The following BCHE variants were observed in gnomAD, a reference collection of about 807,000 sequenced individuals.
BCHE encodes butyrylcholinesterase, also known as cholinesterase.
Under a neutral mutation model 51.3 loss-of-function variants are expected in BCHE, and 48 were observed. The observed-to-expected ratio is 0.94, with a 90% CI of 0.74 to 1.19. The LOEUF (loss-of-function observed/expected upper bound fraction) is 1.19, where lower values mean the gene tolerates loss of function less well. Among genes scored for constraint, BCHE ranks in the 50% most tolerant of loss-of-function variants. The pLI, the probability that BCHE is intolerant of heterozygous loss-of-function variation, is 0.00. For missense variants in BCHE, 847 were observed against 708.2 expected, an observed-to-expected ratio of 1.20 and a Z score of -2.23; for synonymous variants, 251 against 238.0, an observed-to-expected ratio of 1.05 and a Z score of -0.50.
intron 2 of BCHE, among the ~76,000 whole-genome samples, chr3:165,800,021 C>CTTTAT (rs143767714): frequency 0.94 from 143,422 of 151,798 alleles, 67,813 homozygotes; most frequent in Non-Finnish European, 0.96. Flanking sequence ...CATGGAACTA[C>CTTTAT]TTTATTAGCG....
At chr3:165,826,038 A>G (rs1269370205) in intron 2 of BCHE, among the ~76,000 whole-genome samples, 1 of 152,116 alleles carries the variant, frequency 6.6e-6, no homozygotes, top group African/African-American at 2.4e-5. Context: ...GCTCTGGTAC[A>G]TCACTGCTTT....
chr3:165,805,794 G>C (rs1032268310), intron 2 of BCHE, among the ~76,000 whole-genome samples: 2 of 151,546 alleles, frequency 1.3e-5, no homozygotes, highest in African/African-American at 4.9e-5. Flanking sequence ...TTTTCAGTCC[G>C]ACATACGTTC....
At chr3:165,824,119 A>G (rs1216767188) in intron 2 of BCHE, among the ~76,000 whole-genome samples, 1 of 151,932 alleles carries the variant, frequency 6.6e-6, no homozygotes, top group Non-Finnish European at 1.5e-5. Context: ...AAATTAAAAT[A>G]AACAAAATTG....
chr3:165,801,787 T>C (rs184848402), intron 2 of BCHE, among the ~76,000 whole-genome samples: 5 of 152,250 alleles, frequency 3.3e-5, no homozygotes, highest in East Asian at 1.9e-4. Flanking sequence ...TCCCAAGACA[T>C]AAGCTCACCC....
intron 2 of BCHE, among the ~76,000 whole-genome samples, chr3:165,808,903 G>T (rs928388467): frequency 6.6e-6 from 1 of 151,994 alleles, no homozygotes; most frequent in Non-Finnish European, 1.5e-5. Context: ...GGCATATACT[G>T]CAGAAAAATG....
intron 2 of BCHE, among the ~76,000 whole-genome samples, chr3:165,822,254 GTAAATTGCCT>G (rs1416199292): frequency 5.9e-5 from 9 of 151,916 alleles, no homozygotes; most frequent in African/African-American, 2.2e-4. Flanking sequence ...ATAGAAGCAA[GTAAATTGCCT>G]CAATATTAAA....
intron 2 of BCHE, among the ~76,000 whole-genome samples, chr3:165,812,258 A>G (rs971780721): frequency 1.4e-5 from 2 of 142,628 alleles, no homozygotes; most frequent in African/African-American, 5.2e-5. Context: ...CTATCAATGG[A>G]AAAAAAAATG....
Position 165,837,416 on chromosome 3 carries a change from A to G in BCHE, c.-111T>C. 1 of 1,289,660 alleles carries G rather than the reference A, an allele frequency of 7.8e-7. No homozygotes were observed. The highest frequency in any genetic ancestry group is 1.0e-6 in the Non-Finnish European group (1 of 988,730). The allele number at this position is 1,289,660 out of a possible 1,614,324, so 79.9% of individuals were successfully genotyped here. ...GCTGCTGCTCCAGCCTGTAAATTGG[A>G]CTGCACTGACATTCAGTGTTACTGA... is the stretch of plus-strand genomic sequence containing the variant. On this transcript the variant is annotated 5_prime_UTR_variant, in exon 1 of 4. Transcript: ENST00000264381.
chr3:165,791,791 G>C (rs764570240), intron 2 of BCHE, among the ~76,000 whole-genome samples: 13 of 151,496 alleles, frequency 8.6e-5, no homozygotes, highest in Non-Finnish European at 1.9e-4. Flanking sequence ...CGTCTCTACT[G>C]AAAATACAAA....
chr3:165,817,439 C>T (rs1267806402), intron 2 of BCHE, among the ~76,000 whole-genome samples: 1 of 152,018 alleles, frequency 6.6e-6, no homozygotes, highest in Admixed American at 6.6e-5. Flanking sequence ...TTCAGAAACT[C>T]ATCCAAGCTT....
chr3:165,786,906 A>G (rs1439406847), intron 2 of BCHE, among the ~76,000 whole-genome samples: 1 of 151,862 alleles, frequency 6.6e-6, no homozygotes, highest in Non-Finnish European at 1.5e-5. Context: ...TTTCATATTA[A>G]GGTTAATGAA....
In BCHE at chr3:165,808,711, G is replaced by A. The variant is rs371457770; in HGVS notation, c.1517+20806C>T. On this transcript the variant is annotated intron_variant, in intron 2 of 3. Coordinates refer to ENST00000264381, the MANE Select transcript of BCHE (RefSeq NM_000055.4). ...CTCTGGGTGGTTGAGGCTGAAGTGA[G>A]AGCCATGATTGCACCACTGCACCCC... Among the ~76,000 whole-genome samples the A allele has an allele frequency of 1.6e-4, 25 of 152,162 alleles. No individual in the cohort carries two copies. In the East Asian group the frequency reaches 2.5e-3, roughly 15 times the overall value.
Position 165,829,568 on chromosome 3 carries a change from T to A in BCHE, c.1466A>T (p.Glu489Val). ...ERRDNYTKAEEILSRSIVKRW... is the reference protein window; with the variant it reads ...ERRDNYTKAEVILSRSIVKRW... ...TTTCACTATGGATCTACTCAAAATT[T>A]CCTCGGCTTTTGTGTAATTATCTCT... The change falls in exon 2 of 4, where the codon GAA (glutamate) becomes GTA (valine). Residue 489 changes from glutamate (E) to valine (V), a missense_variant. Glu to Val is a moderately radical substitution (Grantham distance 121). Transcript: ENST00000264381. 1 of 1,613,790 alleles carries A rather than the reference T, an allele frequency of 6.2e-7. No individual in the cohort carries two copies. The highest frequency in any genetic ancestry group is 8.5e-7 in the Non-Finnish European group (1 of 1,179,830).
At position 165,773,442 on chromosome 3, in the gene BCHE, C is replaced by T; in HGVS notation, c.1749G>A (p.Met583Ile). 6.2e-7 allele frequency: 1 copy of T among 1,609,538 alleles called. No individual in the cohort carries two copies. The highest frequency in any genetic ancestry group is 1.1e-5 in the South Asian group (1 of 90,878). Residue 583 changes from methionine to isoleucine, a missense_variant, in exon 4 of 4, where the codon ATG (methionine) becomes ATA (isoleucine). Met to Ile is a conservative substitution (Grantham distance 10). Transcript: ENST00000264381. ...AGFHRWNNYM[M>I]DWKNQFNDYT... ...AATCGTTAAATTGATTTTTCCAGTC[C>T]ATCATGTAATTGTTCCAGCGATGGA...
chr3:165,773,173 T>A lies in BCHE; in HGVS notation c.*209A>T. ...ACATAATTAACTGTAGAACTTTATA[T>A]TGTGAAATTTAATTAAACACGTTCT... On this transcript the variant is annotated 3_prime_UTR_variant, in exon 4 of 4. Coordinates refer to ENST00000264381, the MANE Select transcript of BCHE (RefSeq NM_000055.4). 1.0e-5 allele frequency: 5 copies of A among 477,488 alleles called. No individual in the cohort carries two copies. The highest frequency in any genetic ancestry group is 1.1e-5 in the Non-Finnish European group (3 of 269,500). The allele number at this position is 477,488 out of a possible 1,614,324, so 29.6% of individuals were successfully genotyped here.
At chr3:165,790,513 A>C (rs1290256053) in intron 2 of BCHE, among the ~76,000 whole-genome samples, 1 of 152,192 alleles carries the variant, frequency 6.6e-6, no homozygotes, top group Non-Finnish European at 1.5e-5. Context: ...TTCTATGAAT[A>C]GCTCTTCTGA....
At chr3:165,818,452 A>C (rs1471979049) in intron 2 of BCHE, among the ~76,000 whole-genome samples, 2 of 152,126 alleles carry the variant, frequency 1.3e-5, no homozygotes, top group African/African-American at 2.4e-5. Flanking sequence ...CAAGACATGC[A>C]GGTGGAAAAA....
At chr3:165,824,599 CA>C (rs1261654990) in intron 2 of BCHE, among the ~76,000 whole-genome samples, 1 of 151,892 alleles carries the variant, frequency 6.6e-6, no homozygotes, top group Non-Finnish European at 1.5e-5. Flanking sequence ...AGGAAGAAGC[CA>C]ACTGTCCCCC....
At position 165,773,395 on chromosome 3, in the gene BCHE, C is replaced by A. The variant is rs1212655513; in HGVS notation, c.1796G>T (p.Cys599Phe). 7.4e-6 allele frequency: 12 copies of A among 1,610,986 alleles called. No homozygotes were observed. Among genetic ancestry groups the A allele is most frequent in the Non-Finnish European group, 1.0e-5 (12 of 1,177,812 alleles). Residue 599 changes from cysteine (C) to phenylalanine (F), a missense_variant, in exon 4 of 4, where the codon TGT becomes TTT. Coordinates refer to ENST00000264381, the MANE Select transcript of BCHE (RefSeq NM_000055.4). ...TAAATCTATTAATTAGAGACCCACACAACTTTCTTTCTTGCTAGTGTAATC... is the reference window on the plus strand; with the variant it reads ...TAAATCTATTAATTAGAGACCCACAAAACTTTCTTTCTTGCTAGTGTAATC... Reference protein sequence around the residue: ...FNDYTSKKESCVGL With the variant: ...FNDYTSKKESFVGL
Sources: gnomAD v4.1 joint callset for allele counts (sites outside exome capture counted in the v4.1 genomes callset) on GRCh38, gnomAD v4.1.1 for gene constraint, MANE v1.5 for transcripts, NCBI Gene and HGNC (gene_info 2026-07-23, HGNC 2026-07-21) for gene names.